KLHL8: variants seen among roughly 807,000 people sequenced by gnomAD.
KLHL8 encodes the protein kelch-like protein 8.
KLHL8 carries 38 observed loss-of-function variants against 63.5 expected under a neutral mutation model. The observed-to-expected ratio is 0.60, with a 90% CI of 0.46 to 0.78. The LOEUF is 0.78. Among genes scored for constraint, KLHL8 ranks in the 30% least tolerant of loss-of-function variants. The pLI is 0.00. For missense variants in KLHL8, 566 were observed against 752.4 expected (o/e 0.75, Z 2.90); for synonymous variants, 224 against 254.3 (o/e 0.88, Z 1.13).
chr4:87,176,665 A>G (rs927613306), intron 6 of KLHL8, 92 bp downstream of exon 6: 1 of 733,018 alleles, frequency 1.4e-6, no homozygotes, highest in African/African-American at 1.8e-5. Context: ...TAAAGTTTCT[A>G]AAGTAGAAAA....
chr4:87,192,951 C>T (rs945551547), intron 2 of KLHL8, among the ~76,000 whole-genome samples: 10 of 152,066 alleles, frequency 6.6e-5, no homozygotes, highest in African/African-American at 2.4e-4. Context: ...ATGAATGGAG[C>T]TGCAGGGCCT....
At chr4:87,235,793 G>C (rs528640702) in intron 1 of KLHL8, among the ~76,000 whole-genome samples, 4 of 151,766 alleles carry the variant, frequency 2.6e-5, no homozygotes, top group Admixed American at 1.3e-4. Flanking sequence ...TACAACCCGA[G>C]GGGTAAACAG....
At position 87,185,514 on chromosome 4, in the gene KLHL8, T is replaced by A; in HGVS notation, c.502A>T (p.Asn168Tyr). The A allele has an allele frequency of 6.2e-7, 1 of 1,614,158 alleles. No homozygotes were observed. The highest frequency in any genetic ancestry group is 8.5e-7 in the Non-Finnish European group (1 of 1,180,022). ...EYMKLHFHPSNCLAVRAFAES... is the reference protein window; with the variant it reads ...EYMKLHFHPSYCLAVRAFAES... ...GCAAAGGCTCTTACTGCCAGGCAAT[T>A]GGAGGGATGAAAATGTAACTTCATG... Residue 168 changes from asparagine (N) to tyrosine (Y), a missense_variant, in exon 3 of 10, where the codon AAT becomes TAT. Coordinates refer to ENST00000273963, the MANE Select transcript of KLHL8 (RefSeq NM_020803.5).
At chr4:87,184,193 T>C (rs1004055438) in intron 3 of KLHL8, among the ~76,000 whole-genome samples, 3 of 152,230 alleles carry the variant, frequency 2.0e-5, no homozygotes, top group Non-Finnish European at 4.4e-5. Flanking sequence ...AGCTGCAAGA[T>C]AATGAAACTT....
intron 8 of KLHL8, among the ~76,000 whole-genome samples, chr4:87,166,575 T>C (rs986881472): frequency 7.9e-5 from 12 of 152,224 alleles, no homozygotes; most frequent in Non-Finnish European, 1.5e-5. Context: ...CGTTTCATAA[T>C]CATTTAAAGC....
chr4:87,214,419 TA>T, intron 1 of KLHL8, among the ~76,000 whole-genome samples: 1 of 22,700 alleles, frequency 4.4e-5, no homozygotes, highest in Non-Finnish European at 6.8e-5. Context: ...ATAACAGATA[TA>T]TATATATATA....
chr4:87,209,953 A>G (rs554490183), intron 1 of KLHL8, among the ~76,000 whole-genome samples: 1 of 150,440 alleles, frequency 6.6e-6, no homozygotes, highest in Non-Finnish European at 1.5e-5. Flanking sequence ...TTCCGGGCTC[A>G]AGCCATCCTC....
At chr4:87,175,272 C>A (rs530879626) in intron 6 of KLHL8, among the ~76,000 whole-genome samples, 1 of 152,246 alleles carries the variant, frequency 6.6e-6, no homozygotes, top group South Asian at 2.1e-4. Flanking sequence ...TCTATAGATA[C>A]GGAGAGATCA....
intron 6 of KLHL8, among the ~76,000 whole-genome samples, chr4:87,176,283 G>C (rs1022693989): frequency 7.2e-5 from 11 of 152,154 alleles, no homozygotes; most frequent in African/African-American, 2.4e-4. Context: ...ATTCTTTGCT[G>C]TGCATTATAG....
At position 87,226,768 on chromosome 4, in the gene KLHL8, A is replaced by T. The variant is rs191421963; in HGVS notation, n.58-5378T>A. Among the ~76,000 whole-genome samples the T allele has an allele frequency of 8.6e-4, 12 of 14,030 alleles. 1 individual carries two copies. In the South Asian group the frequency reaches 0.018, roughly 22 times the overall value. The allele number at this position is 14,030 out of a possible 152,430, so 9.2% of individuals were successfully genotyped here. On this transcript the variant is annotated intron_variant and non_coding_transcript_variant, in intron 1 of 1. Coordinates refer to the KLHL8 transcript ENST00000506274. ...ATATAATATATATTATTTATATATA[A>T]TATATATTATATATATAATATATAT... is the stretch of plus-strand genomic sequence containing the variant.
In KLHL8 at chr4:87,185,398, T is replaced by C; in HGVS notation, c.618A>G (p.Val206=). The change falls in exon 3 of 10, where the codon GTA becomes GTG. Residue 206 remains valine, a synonymous_variant. Coordinates refer to ENST00000273963, the MANE Select transcript of KLHL8 (RefSeq NM_020803.5). ...TATGGAGGTGCTGCGGTGATACACT[T>C]ACAAAGTCTTCACACTCCACTACTT... is the stretch of plus-strand genomic sequence containing the variant. ...FTEVVECEDF[V]SVSPQHLHKL... 6 of 1,614,182 alleles carry C rather than the reference T, an allele frequency of 3.7e-6. No individual in the cohort carries two copies. The highest frequency in any genetic ancestry group is 5.1e-6 in the Non-Finnish European group (6 of 1,180,040).
In KLHL8 at chr4:87,195,632, CACT is replaced by C. The variant is rs1731666510; in HGVS notation, c.-96_-94del. On this transcript the variant is annotated 5_prime_UTR_variant, in exon 2 of 10. Transcript: ENST00000273963. ...AGAGAAGGCAGAAGGTAGATGTAGA[CACT>C]ACAATTCAGACGTTTTTCAAAACCC... 2.0e-6 allele frequency: 2 copies of C among 980,638 alleles called. No individual in the cohort carries two copies. Among genetic ancestry groups the C allele is most frequent in the Admixed American group, 2.2e-5 (1 of 44,682 alleles). The allele number at this position is 980,638 out of a possible 1,614,324, so 60.7% of individuals were successfully genotyped here.
At chr4:87,227,659 A>G (rs1410132328) in intron 1 of KLHL8, among the ~76,000 whole-genome samples, 1 of 152,070 alleles carries the variant, frequency 6.6e-6, no homozygotes, top group Non-Finnish European at 1.5e-5. Flanking sequence ...TAAATAAATA[A>G]CTAAGTTATT....
intron 6 of KLHL8, among the ~76,000 whole-genome samples, chr4:87,174,745 C>G (rs1730761575): frequency 1.3e-5 from 2 of 151,972 alleles, no homozygotes; most frequent in Admixed American, 6.6e-5. Context: ...AATCCTCACG[C>G]TATTAACAGA....
At chr4:87,230,682 G>A (rs1432780409) in intron 1 of KLHL8, among the ~76,000 whole-genome samples, 1 of 152,086 alleles carries the variant, frequency 6.6e-6, no homozygotes, top group African/African-American at 2.4e-5. Context: ...TAGCTCTGGG[G>A]ACCACAGCTT....
At chr4:87,232,164 T>G (rs184885296) in intron 1 of KLHL8, among the ~76,000 whole-genome samples, 128 of 152,368 alleles carry the variant, frequency 8.4e-4, no homozygotes, top group African/African-American at 3.0e-3. Flanking sequence ...ACATCTCTCT[T>G]TCTCCCATAG....
At chr4:87,212,060 T>C (rs1732426517) in intron 1 of KLHL8, among the ~76,000 whole-genome samples, 1 of 152,166 alleles carries the variant, frequency 6.6e-6, no homozygotes, top group Non-Finnish European at 1.5e-5. Context: ...AAATGATCAA[T>C]GAGAATATTT....
chr4:87,232,478 C>T (rs1733152152), intron 1 of KLHL8, among the ~76,000 whole-genome samples: 2 of 152,194 alleles, frequency 1.3e-5, no homozygotes, highest in Non-Finnish European at 2.9e-5. Flanking sequence ...ACAGACAATG[C>T]TGCTATGGAC....
chr4:87,162,257 T>A lies in KLHL8; in HGVS notation c.*1262A>T, dbSNP rs1730202524. On this transcript the variant is annotated 3_prime_UTR_variant, in exon 10 of 10. Coordinates refer to ENST00000273963, the MANE Select transcript of KLHL8 (RefSeq NM_020803.5). Reference sequence around the variant, plus strand: ...TATTTTCATGTTCTTGATAAATATTTATAAAAAAATATACATATAATGAAT... The same window carrying A: ...TATTTTCATGTTCTTGATAAATATTAATAAAAAAATATACATATAATGAAT... 1 of 152,190 alleles carries A rather than the reference T, an allele frequency of 6.6e-6. No homozygotes were observed. The highest frequency in any genetic ancestry group is 2.4e-5 in the African/African-American group (1 of 41,456). 9.4% of individuals were successfully genotyped at this position (152,190 alleles called of 1,614,324 possible). A position where few individuals can be genotyped will look rare whatever the true frequency, so the allele number is the denominator to read the frequency against.
Sources: allele counts gnomAD v4.1 joint callset (sites outside exome capture counted in the v4.1 genomes callset), GRCh38; gene constraint gnomAD v4.1.1; transcripts MANE v1.5; gene names NCBI Gene and HGNC (gene_info 2026-07-23, HGNC 2026-07-21).